The following TENM2 variants were observed in gnomAD, a reference collection of about 807,000 sequenced individuals.
The protein encoded by TENM2 is teneurin-2.
A neutral mutation model predicts 245.2 loss-of-function variants in TENM2; 52 were observed. The ratio of observed to expected loss-of-function variants is 0.21; its 90% CI spans 0.17 to 0.27. The LOEUF (loss-of-function observed/expected upper bound fraction) is 0.27. Ranked by LOEUF, TENM2 falls within the 10% of genes least tolerant of loss-of-function variation. The probability of loss-of-function intolerance (pLI) is 1.00; values close to 1 mark genes in which losing one functional copy is unlikely to be tolerated. For missense variants in TENM2, 3,046 were observed against 3,666.8 expected, an observed-to-expected ratio of 0.83 and a Z score of 4.37; for synonymous variants, 1,363 against 1,438.9, an observed-to-expected ratio of 0.95 and a Z score of 1.19.
exon 8 of TENM2, chr5:168,090,690 G>A: frequency 6.2e-7 from 1 of 1,613,908 alleles, no homozygotes; most frequent in Non-Finnish European, 8.5e-7. Context: ...TGCAGTACCT[G>A]GATGTGGGCC....
chr5:167,675,100 C>T (rs1279349384), intron 2 of TENM2, among the ~76,000 whole-genome samples: 8 of 152,076 alleles, frequency 5.3e-5, no homozygotes, highest in Admixed American at 5.2e-4. Context: ...TATGTAAGCT[C>T]TCCAAAAATA....
At chr5:168,078,298 T>G (rs57617749) in intron 7 of TENM2, among the ~76,000 whole-genome samples, 14,138 of 152,268 alleles carry the variant, frequency 0.093, 775 homozygotes, top group East Asian at 0.19. Flanking sequence ...CTTGTACATT[T>G]GTTTAAGTTC....
At chr5:167,146,387 C>T in the TENM2 span, among the ~76,000 whole-genome samples, 56 of 152,268 alleles carry the variant, frequency 3.7e-4, no homozygotes, top group Admixed American at 9.2e-4. Context: ...TCTTTTCTGT[C>T]CAGACTTGGG....
chr5:167,729,692 A>T (rs964699457), intron 2 of TENM2, among the ~76,000 whole-genome samples: 1 of 152,070 alleles, frequency 6.6e-6, no homozygotes, highest in East Asian at 1.9e-4. Context: ...GTTTGTGAGT[A>T]TTTTTTCCCA....
At chr5:167,323,301 G>A (rs1756878433) in intron 1 of TENM2, among the ~76,000 whole-genome samples, 1 of 152,152 alleles carries the variant, frequency 6.6e-6, no homozygotes, top group African/African-American at 2.4e-5. Context: ...GATAGTAGGC[G>A]GCTGGTTCAG....
the TENM2 span, among the ~76,000 whole-genome samples, chr5:167,125,021 T>G: frequency 6.6e-6 from 1 of 152,180 alleles, no homozygotes; most frequent in African/African-American, 2.4e-5. Flanking sequence ...TTAAGTGATG[T>G]TCCTGCAGTA....
chr5:168,147,097 C>A (rs1351203935), intron 12 of TENM2, among the ~76,000 whole-genome samples: 1 of 152,242 alleles, frequency 6.6e-6, no homozygotes, highest in Non-Finnish European at 1.5e-5. Flanking sequence ...AGTTGGCCAA[C>A]TTCCCTAAAT....
intron 2 of TENM2, among the ~76,000 whole-genome samples, chr5:167,576,459 C>T (rs1350871302): frequency 2.0e-5 from 3 of 151,906 alleles, no homozygotes; most frequent in East Asian, 1.9e-4. Flanking sequence ...TATATTGAAT[C>T]ATTACCGTTT....
At chr5:167,195,963 A>T in the TENM2 span, among the ~76,000 whole-genome samples, 1 of 152,036 alleles carries the variant, frequency 6.6e-6, no homozygotes, top group African/African-American at 2.4e-5. Context: ...CCATTTGATC[A>T]TTACCCATCT....
At chr5:167,950,292 G>A (rs1305922933) in intron 3 of TENM2, among the ~76,000 whole-genome samples, 4 of 152,156 alleles carry the variant, frequency 2.6e-5, no homozygotes, top group African/African-American at 9.7e-5. Flanking sequence ...TTCTGCCCAC[G>A]CATAACACAG....
At chr5:167,596,473 T>G (rs926822864) in intron 2 of TENM2, among the ~76,000 whole-genome samples, 11 of 152,262 alleles carry the variant, frequency 7.2e-5, no homozygotes, top group African/African-American at 2.6e-4. Flanking sequence ...ATCAGTGAAT[T>G]TTCTGTGTTA....
chr5:167,485,893 A>G (rs1053836123), intron 2 of TENM2, among the ~76,000 whole-genome samples: 1 of 152,176 alleles, frequency 6.6e-6, no homozygotes, highest in Non-Finnish European at 1.5e-5. Flanking sequence ...AGGTATGCAT[A>G]TATGCACACA....
chr5:167,756,469 C>T (rs2150679235), intron 2 of TENM2, among the ~76,000 whole-genome samples: 1 of 152,082 alleles, frequency 6.6e-6, no homozygotes, highest in East Asian at 1.9e-4. Flanking sequence ...TTTATAATAC[C>T]TCTCATGAGT....
intron 1 of TENM2, among the ~76,000 whole-genome samples, chr5:167,365,633 T>A (rs1317229130): frequency 6.6e-6 from 1 of 151,982 alleles, no homozygotes; most frequent in Non-Finnish European, 1.5e-5. Flanking sequence ...AAATTCCCTG[T>A]AAAACACAAT....
intron 12 of TENM2, among the ~76,000 whole-genome samples, chr5:168,136,776 G>T (rs1484554662): frequency 6.6e-6 from 1 of 152,106 alleles, no homozygotes; most frequent in East Asian, 1.9e-4. Context: ...TTTAAGCTCA[G>T]CCAGTCTCTG....
rs191813371 is a variant in TENM2, at chr5:167,903,035, A to G, written c.712+26840A>G. On this transcript the variant is annotated intron_variant, in intron 3 of 28. Coordinates refer to ENST00000518659, the Ensembl canonical transcript of TENM2. Reference sequence around the variant, plus strand: ...TGGATACATTAATTAGCTTGACTCAATCATTTCATATTGTATACATATATC... The same window carrying G: ...TGGATACATTAATTAGCTTGACTCAGTCATTTCATATTGTATACATATATC... Among the ~76,000 whole-genome samples, 127 of 152,326 alleles carry G rather than the reference A, an allele frequency of 8.3e-4. 3 individuals are homozygous for G. In the East Asian group the frequency reaches 0.024, roughly 28 times the overall value.
intron 22 of TENM2, among the ~76,000 whole-genome samples, chr5:168,217,465 C>T (rs544291163): frequency 6.6e-6 from 1 of 152,208 alleles, no homozygotes; most frequent in Non-Finnish European, 1.5e-5. Flanking sequence ...CTGGAATATA[C>T]GTTCAGCCTT....
chr5:168,226,026 A>G (rs748166773), intron 23 of TENM2, 62 bp from the exon 26 acceptor site: 7 of 1,487,280 alleles, frequency 4.7e-6, no homozygotes, highest in Non-Finnish European at 6.4e-6. Context: ...AGTCTTGGGA[A>G]CACTGTCAGC....
chr5:168,075,161 C>A (rs1005071594), intron 7 of TENM2, among the ~76,000 whole-genome samples: 5 of 152,096 alleles, frequency 3.3e-5, no homozygotes, highest in African/African-American at 9.7e-5. Context: ...AGCTCAGCTC[C>A]CACTTATGAG....
Sources: allele counts gnomAD v4.1 joint callset (sites outside exome capture counted in the v4.1 genomes callset), GRCh38; gene constraint gnomAD v4.1.1; transcripts MANE v1.5; gene names NCBI Gene and HGNC (gene_info 2026-07-23, HGNC 2026-07-21).